SCAF8: variants seen among roughly 807,000 people sequenced by gnomAD.
SCAF8 encodes the protein SR-related CTD associated factor 8, also known as SR-related and CTD-associated factor 8.
Under a neutral mutation model 140.5 loss-of-function variants are expected in SCAF8, and 23 were observed. That is an observed-to-expected ratio of 0.16 (90% CI 0.12 to 0.23). SCAF8 has a LOEUF of 0.23. Among genes scored for constraint, SCAF8 ranks in the 10% least tolerant of loss-of-function variants. The pLI is 1.00. For missense variants in SCAF8, 1,397 were observed against 1,555.7 expected, an observed-to-expected ratio of 0.90 and a Z score of 1.72; for synonymous variants, 575 against 528.9, an observed-to-expected ratio of 1.09 and a Z score of -1.20.
At chr6:154,796,083 T>G (rs749302859) in intron 6 of SCAF8, among the ~76,000 whole-genome samples, 29 of 152,172 alleles carry the variant, frequency 1.9e-4, no homozygotes, top group Non-Finnish European at 2.8e-4. Flanking sequence ...GTTTTCTTAA[T>G]GTATTGCACT....
rs1432588671 is a variant in SCAF8, at chr6:154,772,714, A to G, written c.31-1275A>G. 4.6e-5 allele frequency among the ~76,000 whole-genome samples: 7 copies of G among 152,144 alleles called. 1 individual carries two copies. The East Asian group carries it at 1.4e-3, about 29-fold the overall frequency. On this transcript the variant is annotated intron_variant, in intron 1 of 19. Transcript: ENST00000367178. ...AATCAATCAATCAATCAATCAATAA[A>G]GTGGGGGATGGGGTGGGATTATTGT...
intron 1 of SCAF8, among the ~76,000 whole-genome samples, chr6:154,746,399 G>T (rs534460417): frequency 6.6e-6 from 1 of 152,250 alleles, no homozygotes; most frequent in East Asian, 1.9e-4. Flanking sequence ...TCAATAGATA[G>T]AACTGTAAAT....
chr6:154,765,806 A>C (rs1776547254), intron 1 of SCAF8, among the ~76,000 whole-genome samples: 1 of 152,194 alleles, frequency 6.6e-6, no homozygotes, highest in Admixed American at 6.5e-5. Context: ...GAATTAGATG[A>C]AATGATGTTT....
At chr6:154,774,689 A>G (rs1358566807) in intron 2 of SCAF8, among the ~76,000 whole-genome samples, 2 of 152,310 alleles carry the variant, frequency 1.3e-5, no homozygotes, top group East Asian at 3.9e-4. Flanking sequence ...TGTATCAGGT[A>G]TTTGAACTGT....
At chr6:154,744,972 G>T (rs191561414) in intron 1 of SCAF8, among the ~76,000 whole-genome samples, 7 of 152,154 alleles carry the variant, frequency 4.6e-5, no homozygotes, top group Middle Eastern at 3.4e-3. Context: ...AAAAACAAGC[G>T]CATTTTATTT....
chr6:154,798,363 C>T (rs1249624935), intron 6 of SCAF8, among the ~76,000 whole-genome samples: 2 of 151,180 alleles, frequency 1.3e-5, no homozygotes, highest in African/African-American at 2.4e-5. Context: ...GGATGAGCTA[C>T]GTAGACAGAG....
intron 13 of SCAF8, among the ~76,000 whole-genome samples, chr6:154,816,512 G>GCCGT (rs1554263379): frequency 6.6e-6 from 1 of 151,406 alleles, no homozygotes; most frequent in African/African-American, 2.4e-5. Flanking sequence ...AAAATTACGT[G>GCCGT]CTGTCTTTCT....
At chr6:154,793,426 T>A (rs1160990620) in intron 5 of SCAF8, among the ~76,000 whole-genome samples, 1 of 151,928 alleles carries the variant, frequency 6.6e-6, no homozygotes, top group Non-Finnish European at 1.5e-5. Flanking sequence ...CAAAGTAATT[T>A]AAAAATTTTT....
At chr6:154,780,792 T>C (rs1232406091) in intron 3 of SCAF8, among the ~76,000 whole-genome samples, 5 of 152,220 alleles carry the variant, frequency 3.3e-5, no homozygotes, top group Non-Finnish European at 4.4e-5. Context: ...TTTGGGTTGA[T>C]TCCATGTCTT....
rs756170275 is a variant in SCAF8 at position 154,832,118 on chromosome 6, A to T, written c.2539A>T (p.Asn847Tyr). The T allele has an allele frequency of 6.2e-7, 1 of 1,614,084 alleles. No individual in the cohort carries two copies. The highest frequency in any genetic ancestry group is 1.7e-5 in the Admixed American group (1 of 60,016). The change falls in exon 20 of 20, where the codon AAT becomes TAT. Residue 847 changes from asparagine to tyrosine, a missense_variant. Asn to Tyr is a moderately radical substitution (Grantham distance 143). Transcript: ENST00000367178. ...SSGIIAAQPPNILNNSGILGI... is the reference protein window; with the variant it reads ...SSGIIAAQPPYILNNSGILGI... ...TGGGATTATTGCAGCCCAACCACCA[A>T]ATATTCTAAATAACTCTGGAATATT... is the stretch of plus-strand genomic sequence containing the variant.
chr6:154,750,560 C>T (rs1778813207), intron 1 of SCAF8, among the ~76,000 whole-genome samples: 1 of 152,084 alleles, frequency 6.6e-6, no homozygotes, highest in African/African-American at 2.4e-5. Context: ...GCCTATACAA[C>T]CAGATGTTCT....
At position 154,831,932 on chromosome 6, in the gene SCAF8, T is replaced by C. The variant is rs1470312279; in HGVS notation, c.2360-7T>C. 1 of 1,569,840 alleles carries C rather than the reference T, an allele frequency of 6.4e-7. No individual in the cohort carries two copies. The highest frequency in any genetic ancestry group is 8.6e-7 in the Non-Finnish European group (1 of 1,163,206). ...TTTGAGTTTTTTCTCTCTCTCTTTT[T>C]TTTTAGTGATTCCAAATGATATTTC... On this transcript the variant is annotated splice_region_variant and splice_polypyrimidine_tract_variant and intron_variant, in intron 19 of 19. Transcript: ENST00000367178.
At chr6:154,770,164 G>C (rs1294696869) in intron 1 of SCAF8, among the ~76,000 whole-genome samples, 1 of 152,122 alleles carries the variant, frequency 6.6e-6, no homozygotes, top group Non-Finnish European at 1.5e-5. Context: ...TTCTTAGAAA[G>C]TAGGCTGGGT....
chr6:154,810,231 G>A (rs375239420), intron 12 of SCAF8, 23 bp downstream of exon 12: 33 of 1,502,850 alleles, frequency 2.2e-5, no homozygotes, highest in South Asian at 1.8e-4. Context: ...TATCTGCAAC[G>A]CTTTGGTTTC....
At chr6:154,813,559 A>G (rs1778157002) in intron 12 of SCAF8, among the ~76,000 whole-genome samples, 3 of 152,204 alleles carry the variant, frequency 2.0e-5, no homozygotes, top group Non-Finnish European at 2.9e-5. Context: ...GATCTTTTCC[A>G]TGACAGAGCC....
chr6:154,763,032 C>A (rs529414602), intron 1 of SCAF8, among the ~76,000 whole-genome samples: 1 of 152,016 alleles, frequency 6.6e-6, no homozygotes, highest in Non-Finnish European at 1.5e-5. Context: ...AAAGTGTTTT[C>A]CTCCTTGGTT....
At chr6:154,816,562 T>G (rs772654386) in intron 13 of SCAF8, among the ~76,000 whole-genome samples, 2 of 152,146 alleles carry the variant, frequency 1.3e-5, no homozygotes, top group African/African-American at 4.8e-5. Context: ...AGTCATTTGT[T>G]TGGGGAGACA....
chr6:154,792,650 G>A (rs888498375), intron 4 of SCAF8, among the ~76,000 whole-genome samples, 173 bp from the exon 5 acceptor site: 2 of 152,272 alleles, frequency 1.3e-5, no homozygotes. Context: ...TTTCAAGCAC[G>A]TTAAGGGTAG....
chr6:154,760,620 A>AT (rs1332525663), intron 1 of SCAF8, among the ~76,000 whole-genome samples: 1 of 152,196 alleles, frequency 6.6e-6, no homozygotes, highest in Non-Finnish European at 1.5e-5. Context: ...CTAAAAGCAG[A>AT]TTAAGTTTCA....
Sources: allele counts gnomAD v4.1 joint callset (sites outside exome capture counted in the v4.1 genomes callset), GRCh38; gene constraint gnomAD v4.1.1; transcripts MANE v1.5; gene names NCBI Gene and HGNC (gene_info 2026-07-23, HGNC 2026-07-21).